Variants in PAPPA2 observed in about 807,000 individuals in gnomAD.
PAPPA2 encodes pappalysin-2.
In PAPPA2, 86 loss-of-function variants were observed where a neutral mutation model predicts 176.4. The observed-to-expected ratio is 0.49, with a 90% confidence interval of 0.41 to 0.58. PAPPA2 has a LOEUF of 0.58. PAPPA2 is among the 20% of genes least tolerant of loss of function. PAPPA2 has a pLI of 0.00. For synonymous variants in PAPPA2, 809 were observed against 852.2 expected (o/e 0.95, Z 0.88); for missense variants, 2,073 against 2,256.9 (o/e 0.92, Z 1.65).
chr1:176,480,720 A>AG (rs1652353222), intron 1 of PAPPA2, among the ~76,000 whole-genome samples: 2 of 152,144 alleles, frequency 1.3e-5, no homozygotes, highest in Non-Finnish European at 2.9e-5. Context: ...TTTCTCCAGC[A>AG]GTAATTTCCT....
chr1:176,831,960 T>C (rs757391874), intron 21 of PAPPA2, among the ~76,000 whole-genome samples: 26 of 152,188 alleles, frequency 1.7e-4, no homozygotes, highest in Non-Finnish European at 2.9e-4. Context: ...CTCAGGTACA[T>C]GCATTGGTGG....
chr1:176,728,403 C>T (rs1467618684), intron 12 of PAPPA2, among the ~76,000 whole-genome samples: 2 of 151,488 alleles, frequency 1.3e-5, no homozygotes, highest in African/African-American at 4.8e-5. Context: ...AAACAATCAC[C>T]AACAAAAATG....
At chr1:176,686,557 G>A (rs1659851047) in intron 4 of PAPPA2, among the ~76,000 whole-genome samples, 2 of 152,134 alleles carry the variant, frequency 1.3e-5, no homozygotes, top group Admixed American at 6.5e-5. Context: ...TTAAAGGTTG[G>A]CGAATCTGGG....
At position 176,746,927 on chromosome 1, in the gene PAPPA2, A is replaced by G. The variant is rs181550612; in HGVS notation, c.4151+6731A>G. On this transcript the variant is annotated intron_variant, in intron 14 of 22. Transcript: ENST00000367662. ...TGTGTGTATTCATGTGCGTTTGTGT[A>G]TAGAAAGAGATAGACTGTTGTTCAA... 1.4e-3 allele frequency among the ~76,000 whole-genome samples: 208 copies of G among 152,292 alleles called. 3 individuals are homozygous for G. The highest frequency in any genetic ancestry group is 6.6e-3 in the East Asian group (34 of 5,184).
At chr1:176,723,272 A>G (rs893333947) in intron 12 of PAPPA2, among the ~76,000 whole-genome samples, 4 of 152,220 alleles carry the variant, frequency 2.6e-5, no homozygotes, top group Non-Finnish European at 4.4e-5. Context: ...ATTCCAAGAC[A>G]TGAACTTTTG....
Position 176,726,517 on chromosome 1 carries a change from C to A in PAPPA2, c.3799-13109C>A, listed in dbSNP as rs191541021. Among the ~76,000 whole-genome samples the A allele has an allele frequency of 1.4e-3, 212 of 152,300 alleles. 1 individual carries two copies. The highest frequency in any genetic ancestry group is 6.3e-4 in the Non-Finnish European group (43 of 68,030). On this transcript the variant is annotated intron_variant, in intron 12 of 22. Transcript: ENST00000367662. Reference sequence around the variant, plus strand: ...GCAATGGGGAGCATATTGATAATATCTTTTATGACACAGAATAGAGGTAAA... The same window carrying A: ...GCAATGGGGAGCATATTGATAATATATTTTATGACACAGAATAGAGGTAAA...
At chr1:176,549,059 C>A (rs756586009) in intron 1 of PAPPA2, among the ~76,000 whole-genome samples, 12 of 152,192 alleles carry the variant, frequency 7.9e-5, no homozygotes, top group Non-Finnish European at 1.6e-4. Context: ...GAAATCACCA[C>A]ATTTTAAAAT....
In PAPPA2 at chr1:176,765,695, A is replaced by G; in HGVS notation, c.4181A>G (p.Asp1394Gly). 1 of 1,614,094 alleles carries G rather than the reference A, an allele frequency of 6.2e-7. No individual in the cohort carries two copies. The highest frequency in any genetic ancestry group is 1.1e-5 in the South Asian group (1 of 91,084). ...SCIHRPCGKQ[D>G]SCPSLLLDHA... ...ATCCATCGGCCCTGTGGGAAGCAGGACAGCTGTCCGTCATTGCTGCTTGAT... is the reference window on the plus strand; with the variant it reads ...ATCCATCGGCCCTGTGGGAAGCAGGGCAGCTGTCCGTCATTGCTGCTTGAT... Residue 1394 changes from aspartate (D) to glycine (G), a missense_variant, in exon 15 of 23, where the codon GAC becomes GGC. Physicochemically the swap from Asp to Gly is moderately conservative, Grantham distance 94. Transcript: ENST00000367662.
intron 1 of PAPPA2, among the ~76,000 whole-genome samples, chr1:176,544,346 A>C (rs1179263167): frequency 6.6e-6 from 1 of 152,122 alleles, no homozygotes; most frequent in Non-Finnish European, 1.5e-5. Flanking sequence ...TTAGTACAGA[A>C]ATGTAGGAGT....
intron 20 of PAPPA2, among the ~76,000 whole-genome samples, chr1:176,797,403 G>A (rs1665494337): frequency 6.6e-6 from 1 of 152,114 alleles, no homozygotes; most frequent in Non-Finnish European, 1.5e-5. Flanking sequence ...CAACACTCTG[G>A]GAGGGCAAGG....
intron 14 of PAPPA2, among the ~76,000 whole-genome samples, chr1:176,763,328 A>G (rs1044200212): frequency 2.0e-5 from 3 of 152,192 alleles, no homozygotes; most frequent in Non-Finnish European, 4.4e-5. Flanking sequence ...ATTCCCTAAG[A>G]GCATGGTTCT....
At chr1:176,772,431 A>G (rs757509103) in intron 17 of PAPPA2, among the ~76,000 whole-genome samples, 6 of 152,196 alleles carry the variant, frequency 3.9e-5, no homozygotes, top group African/African-American at 4.8e-5. Context: ...ACAGAAAAAA[A>G]TATCAGGAAA....
chr1:176,529,299 A>G (rs1649664482), intron 1 of PAPPA2, among the ~76,000 whole-genome samples: 1 of 152,222 alleles, frequency 6.6e-6, no homozygotes, highest in Non-Finnish European at 1.5e-5. Flanking sequence ...TGAAAGTCTC[A>G]GAACGAGCCA....
In PAPPA2 at chr1:176,726,887, A is replaced by G. The variant is rs146288662; in HGVS notation, c.3799-12739A>G. On this transcript the variant is annotated intron_variant, in intron 12 of 22. Coordinates refer to ENST00000367662, the MANE Select transcript of PAPPA2 (RefSeq NM_020318.3). ...AAGGAAGTTGAGCAGCCTTAATGTT[A>G]GACTCAGCTGACTCCTTCTGTGGAG... is the stretch of plus-strand genomic sequence containing the variant. 8.0e-4 allele frequency among the ~76,000 whole-genome samples: 122 copies of G among 152,348 alleles called. No homozygotes were observed. In the East Asian group the frequency reaches 0.019, roughly 23 times the overall value.
intron 14 of PAPPA2, among the ~76,000 whole-genome samples, chr1:176,745,020 G>A (rs1393697538): frequency 3.3e-5 from 5 of 152,106 alleles, no homozygotes; most frequent in Non-Finnish European, 7.4e-5. Context: ...ACCACCTGTG[G>A]CAATTTTCAC....
chr1:176,638,286 C>CATTAGA (rs968243742), intron 3 of PAPPA2, among the ~76,000 whole-genome samples: 1 of 151,686 alleles, frequency 6.6e-6, no homozygotes, highest in African/African-American at 2.4e-5. Context: ...CCCCCAAACA[C>CATTAGA]AATGCACATT....
At chr1:176,466,363 T>A (rs1035952731) in intron 1 of PAPPA2, among the ~76,000 whole-genome samples, 1 of 152,180 alleles carries the variant, frequency 6.6e-6, no homozygotes, top group East Asian at 1.9e-4. Context: ...ATTCTAATGA[T>A]AAAATTTCAA....
intron 2 of PAPPA2, among the ~76,000 whole-genome samples, chr1:176,584,021 GAC>G (rs1653139670): frequency 6.6e-6 from 1 of 152,204 alleles, no homozygotes. Context: ...CAGCCTGAGA[GAC>G]AGAGCAAAAC....
intron 14 of PAPPA2, among the ~76,000 whole-genome samples, chr1:176,745,539 A>T (rs1010645045): frequency 2.0e-5 from 3 of 152,186 alleles, no homozygotes; most frequent in Non-Finnish European, 2.9e-5. Context: ...TTGGGATCCA[A>T]TAAGGACACA....
Sources: gnomAD v4.1 joint callset for allele counts (sites outside exome capture counted in the v4.1 genomes callset) on GRCh38, gnomAD v4.1.1 for gene constraint, MANE v1.5 for transcripts, NCBI Gene and HGNC (gene_info 2026-07-23, HGNC 2026-07-21) for gene names.